The following MAP7D2 variants were observed in gnomAD, a reference collection of about 807,000 sequenced individuals.
MAP7D2 encodes MAP7 domain-containing protein 2.
A neutral mutation model predicts 63.5 loss-of-function variants in MAP7D2; 33 were observed. The ratio of observed to expected loss-of-function variants is 0.52; its 90% CI spans 0.39 to 0.70. The LOEUF is 0.70. MAP7D2 is among the 30% of genes least tolerant of loss of function. The pLI, the probability that MAP7D2 is intolerant of heterozygous loss-of-function variation, is 0.00. For missense variants in MAP7D2, 626 were observed against 604.0 expected (o/e 1.04, Z -0.38); for synonymous variants, 224 against 223.7 (o/e 1.00, Z -0.01).
chrX:20,050,980 G>C, intron 5 of MAP7D2, 34 bp from the exon 6 acceptor site: 1 of 1,089,208 alleles, frequency 9.2e-7, no homozygotes, highest in Non-Finnish European at 1.2e-6. Context: ...ATTTTAAAAA[G>C]CAAAATTAAA....
chrX:20,098,061 C>G (rs1210521543), intron 1 of MAP7D2, among the ~76,000 whole-genome samples: 2 of 111,214 alleles, frequency 1.8e-5, no homozygotes, highest in Non-Finnish European at 3.8e-5. Flanking sequence ...AACAAAAAAT[C>G]TTTTTTATGT....
intron 3 of MAP7D2, among the ~76,000 whole-genome samples, chrX:20,061,709 C>A (rs148792221): frequency 0.014 from 1,570 of 112,799 alleles, 8 homozygotes; most frequent in Middle Eastern, 0.018. Context: ...GAAGGGGGAG[C>A]TGTTCTACTT....
chrX:20,062,166 G>T (rs964141668), intron 3 of MAP7D2, among the ~76,000 whole-genome samples: 5 of 112,294 alleles, frequency 4.5e-5, no homozygotes, highest in Non-Finnish European at 9.4e-5. Context: ...TAGGTGCTTT[G>T]CTGGGCACTT....
chrX:20,056,511 T>C (rs2065071879), intron 4 of MAP7D2, among the ~76,000 whole-genome samples, 169 bp downstream of exon 4: 2 of 112,140 alleles, frequency 1.8e-5, no homozygotes, highest in Admixed American at 1.9e-4. Context: ...AACAAATGCA[T>C]GCGTAGGAAT....
intron 8 of MAP7D2, among the ~76,000 whole-genome samples, chrX:20,040,111 G>T (rs1327284135): frequency 9.1e-6 from 1 of 110,219 alleles, no homozygotes; most frequent in Non-Finnish European, 1.9e-5. Flanking sequence ...TCAAACACTG[G>T]ACTCTAAGTT....
chrX:20,016,015 C>G, intron 11 of MAP7D2, 79 bp downstream of exon 11: 1 of 823,936 alleles, frequency 1.2e-6, no homozygotes, highest in Non-Finnish European at 1.8e-6. Context: ...CATTATGAGT[C>G]ATTGAAATTT....
At chrX:20,056,880 C>A (rs953583369) in intron 3 of MAP7D2, 89 bp from the exon 4 acceptor site, 1 of 806,545 alleles carries the variant, frequency 1.2e-6, no homozygotes, top group African/African-American at 2.0e-5. Flanking sequence ...GTGTGAGTCA[C>A]CAAATGGGGC....
intron 1 of MAP7D2, among the ~76,000 whole-genome samples, chrX:20,072,368 G>A (rs753932583): frequency 9.0e-6 from 1 of 110,582 alleles, no homozygotes; most frequent in East Asian, 2.8e-4. Flanking sequence ...ACCACCCTCA[G>A]GCACAGGAAA....
At chrX:20,066,548 A>G (rs1481733734) in intron 1 of MAP7D2, among the ~76,000 whole-genome samples, 1 of 112,212 alleles carries the variant, frequency 8.9e-6, no homozygotes, top group Non-Finnish European at 1.9e-5. Context: ...TCATCTCTTA[A>G]TCATTATGAC....
chrX:20,012,169 C>T (rs944201899), intron 15 of MAP7D2, among the ~76,000 whole-genome samples, 180 bp downstream of exon 15: 1 of 111,674 alleles, frequency 9.0e-6, no homozygotes, highest in African/African-American at 3.3e-5. Flanking sequence ...CTGTTCCAGG[C>T]TCTGCTTCTA....
At chrX:20,068,135 C>T (rs746213224) in intron 1 of MAP7D2, among the ~76,000 whole-genome samples, 120 of 112,257 alleles carry the variant, frequency 1.1e-3, no homozygotes, top group Non-Finnish European at 1.9e-3. Flanking sequence ...TCAAACAGCC[C>T]AACATGGGCA....
At chrX:20,095,885 G>A (rs2066244253) in intron 1 of MAP7D2, among the ~76,000 whole-genome samples, 1 of 109,587 alleles carries the variant, frequency 9.1e-6, no homozygotes, top group Non-Finnish European at 1.9e-5. Context: ...TCCAAGACCA[G>A]CCTGACCAAC....
chrX:20,108,075 C>T (rs1377972138), intron 1 of MAP7D2, among the ~76,000 whole-genome samples: 1 of 111,312 alleles, frequency 9.0e-6, no homozygotes, highest in African/African-American at 3.3e-5. Flanking sequence ...GTGCCAGTCT[C>T]TCTTTTTTAC....
intron 8 of MAP7D2, among the ~76,000 whole-genome samples, chrX:20,037,332 C>G (rs753986780): frequency 9.0e-6 from 1 of 111,466 alleles, no homozygotes; most frequent in African/African-American, 3.3e-5. Context: ...TCGAGCAGGT[C>G]CTGAGGGCAC....
rs1170197978 is a variant in MAP7D2, at chrX:20,016,158, T to C, written c.1580A>G (p.Glu527Gly). The C allele has an allele frequency of 4.2e-6, 5 of 1,200,414 alleles. No individual in the cohort carries two copies. In the South Asian group the frequency reaches 5.4e-5, roughly 13 times the overall value. Residue 527 changes from glutamate to glycine, a missense_variant, in exon 11 of 17, where the codon GAG becomes GGG. Physicochemically the swap from Glu to Gly is moderately conservative, Grantham distance 98 (BLOSUM62 -2). Transcript: ENST00000379643. Reference protein sequence around the residue: ...AGEEAKRKAEEELLLKEKQEQ... With the variant: ...AGEEAKRKAEGELLLKEKQEQ... ...TTGCTTTTCTTTCAACAACAGCTCC[T>C]CCTCAGCCTTCCGCTTGGCCTCCTC...
rs1214500643 is a variant in MAP7D2 at position 20,030,444 on chromosome X, A to C, written c.1008-4492T>G. 2.7e-5 allele frequency among the ~76,000 whole-genome samples: 3 copies of C among 112,236 alleles called. No homozygotes were observed. The Admixed American group carries it at 2.8e-4, about 11-fold the overall frequency. ...GGTAAACTAGACCTTCTAGGAACAT[A>C]AGGCAGTATGATATAACCTTTTAGG... On this transcript the variant is annotated intron_variant, in intron 8 of 16. Transcript: ENST00000379643.
chrX:20,073,991 C>T (rs1417710025), intron 1 of MAP7D2, among the ~76,000 whole-genome samples: 5 of 107,822 alleles, frequency 4.6e-5, no homozygotes, highest in Admixed American at 2.0e-4. Context: ...AAAAATTAGC[C>T]GGGCATGGTG....
intron 1 of MAP7D2, among the ~76,000 whole-genome samples, chrX:20,075,592 G>A (rs971225304): frequency 9.0e-6 from 1 of 111,263 alleles, no homozygotes; most frequent in African/African-American, 3.3e-5. Flanking sequence ...CAGTGTGTGG[G>A]TGTGTCAGTG....
At chrX:20,025,558 G>A (rs754515868) in intron 9 of MAP7D2, 123 bp downstream of exon 9, 4 of 867,560 alleles carry the variant, frequency 4.6e-6, no homozygotes, top group South Asian at 4.8e-5. Context: ...AAAGCTGCAC[G>A]AGGGGATGCA....
Sources: allele counts gnomAD v4.1 joint callset (sites outside exome capture counted in the v4.1 genomes callset), GRCh38; gene constraint gnomAD v4.1.1; transcripts MANE v1.5; gene names NCBI Gene and HGNC (gene_info 2026-07-23, HGNC 2026-07-21).